Variants in SLC36A1 observed in about 807,000 individuals in gnomAD.
The protein encoded by SLC36A1 is solute carrier family 36 member 1.
Under a neutral mutation model 47.5 loss-of-function variants are expected in SLC36A1, and 30 were observed. The ratio of observed to expected loss-of-function variants is 0.63; its 90% CI spans 0.47 to 0.86. The LOEUF is 0.86. Ranked by LOEUF, SLC36A1 falls within the 40% of genes least tolerant of loss-of-function variation. The pLI is 0.00. For synonymous variants in SLC36A1, 255 were observed against 249.7 expected (o/e 1.02, Z -0.20); for missense variants, 517 against 606.0 (o/e 0.85, Z 1.54).
chr5:151,505,208 T>C, the SLC36A1 span: 1 of 355,830 alleles, frequency 2.8e-6, no homozygotes, highest in East Asian at 7.1e-5. Flanking sequence ...TTGGTGAAGT[T>C]GAGCCAGCAC....
At chr5:151,365,121 G>A in the SLC36A1 span, among the ~76,000 whole-genome samples, 3 of 152,142 alleles carry the variant, frequency 2.0e-5, no homozygotes, top group African/African-American at 7.2e-5. Context: ...TGGAGAAAGG[G>A]TGGTTGCCCA....
the SLC36A1 span, among the ~76,000 whole-genome samples, chr5:151,525,126 A>G: frequency 6.6e-6 from 1 of 152,188 alleles, no homozygotes; most frequent in African/African-American, 2.4e-5. Flanking sequence ...GGACTGACTG[A>G]CTGAAAGAAT....
chr5:151,390,023 C>T, the SLC36A1 span, among the ~76,000 whole-genome samples: 1 of 152,196 alleles, frequency 6.6e-6, no homozygotes, highest in East Asian at 1.9e-4. Context: ...TACAGTCCCA[C>T]CAACAGTGTA....
At chr5:151,523,328 CATAG>C in the SLC36A1 span, among the ~76,000 whole-genome samples, 110 of 152,228 alleles carry the variant, frequency 7.2e-4, no homozygotes, top group Non-Finnish European at 9.4e-4. Context: ...TAGTCATTAT[CATAG>C]ATAAACTATG....
the SLC36A1 span, among the ~76,000 whole-genome samples, chr5:151,372,706 C>G: frequency 3.5e-4 from 53 of 152,158 alleles, no homozygotes; most frequent in African/African-American, 1.2e-3. Flanking sequence ...CCTTGGCCTC[C>G]CAAAGTGCTG....
upstream of SLC36A1, among the ~76,000 whole-genome samples, chr5:151,434,236 A>G (rs994575600): frequency 6.6e-6 from 1 of 152,248 alleles, no homozygotes; most frequent in African/African-American, 2.4e-5. Flanking sequence ...GATACAAACG[A>G]AAAGTAGCTC....
the SLC36A1 span, among the ~76,000 whole-genome samples, chr5:151,513,458 T>G: frequency 6.6e-6 from 1 of 151,846 alleles, no homozygotes; most frequent in Admixed American, 6.6e-5. Flanking sequence ...ATGGATGGAG[T>G]TGGCGGCCAT....
At chr5:151,438,086 T>C (rs1224201358) in intron 1 of SLC36A1, among the ~76,000 whole-genome samples, 1 of 152,054 alleles carries the variant, frequency 6.6e-6, no homozygotes, top group Non-Finnish European at 1.5e-5. Flanking sequence ...ATCCTTAACT[T>C]CATCACATCA....
chr5:151,532,388 AACACACACACAC>A, the SLC36A1 span, among the ~76,000 whole-genome samples: 1,170 of 150,484 alleles, frequency 7.8e-3, 11 homozygotes, highest in African/African-American at 0.015. Context: ...TGCGTGTACA[AACACACACACAC>A]ACACACACAC....
At chr5:151,446,075 CTCTT>C (rs1429973354), upstream of SLC36A1, among the ~76,000 whole-genome samples, 2 of 151,990 alleles carry the variant, frequency 1.3e-5, no homozygotes, top group Admixed American at 1.3e-4. Context: ...TTTAATTGGT[CTCTT>C]TCTTCTCTTT....
chr5:151,512,985 C>T, the SLC36A1 span, among the ~76,000 whole-genome samples: 1 of 152,250 alleles, frequency 6.6e-6, no homozygotes, highest in African/African-American at 2.4e-5. The surrounding 1 kb of genome is among the most constrained non-coding windows in gnomAD (Gnocchi z 4.1). Flanking sequence ...CCCACTCCCA[C>T]TTCCTTATTC....
chr5:151,410,982 A>C, the SLC36A1 span, among the ~76,000 whole-genome samples: 1 of 144,660 alleles, frequency 6.9e-6, no homozygotes, highest in East Asian at 2.3e-4. Flanking sequence ...CCAATTAAGA[A>C]CCACTGGTCT....
chr5:151,473,467 C>G (rs1561768652), intron 7 of SLC36A1, among the ~76,000 whole-genome samples: 1 of 152,082 alleles, frequency 6.6e-6, no homozygotes, highest in Non-Finnish European at 1.5e-5. Context: ...TTGTCTTTCC[C>G]CCAAACAAGT....
the SLC36A1 span, among the ~76,000 whole-genome samples, chr5:151,551,961 T>C: frequency 1.3e-5 from 2 of 148,892 alleles, no homozygotes; most frequent in Non-Finnish European, 3.0e-5. Flanking sequence ...AACAATACTT[T>C]AATATAACCC....
At chr5:151,351,939 A>G in the SLC36A1 span, among the ~76,000 whole-genome samples, 7 of 152,058 alleles carry the variant, frequency 4.6e-5, no homozygotes, top group Non-Finnish European at 7.4e-5. Context: ...ACCACAACCC[A>G]CAAGGTCCTG....
intron 5 of SLC36A1, among the ~76,000 whole-genome samples, chr5:151,466,051 G>A (rs190002855): frequency 6.6e-6 from 1 of 151,934 alleles, no homozygotes; most frequent in Admixed American, 6.6e-5. Context: ...ATCCTGTGAT[G>A]CAGATTATAT....
chr5:151,421,959 AC>A, the SLC36A1 span, among the ~76,000 whole-genome samples: 1 of 152,156 alleles, frequency 6.6e-6, no homozygotes, highest in Non-Finnish European at 1.5e-5. Context: ...AAAAAAGGAC[AC>A]CACTTTTGTG....
the SLC36A1 span, chr5:151,380,798 C>A: frequency 1.9e-6 from 1 of 514,140 alleles, no homozygotes; most frequent in Non-Finnish European, 4.0e-6. Flanking sequence ...TCTGGGAAGA[C>A]AGGAAATGGT....
the SLC36A1 span, among the ~76,000 whole-genome samples, chr5:151,358,324 A>G: frequency 1.3e-5 from 2 of 151,520 alleles, no homozygotes; most frequent in African/African-American, 4.9e-5. Flanking sequence ...CCCAGGTTGT[A>G]GTGCATTGGT....
Sources: gnomAD v4.1 joint callset for allele counts (sites outside exome capture counted in the v4.1 genomes callset) on GRCh38, gnomAD v4.1.1 for gene constraint, Gnocchi (gnomAD v3.1) non-coding constraint, MANE v1.5 for transcripts, NCBI Gene and HGNC (gene_info 2026-07-23, HGNC 2026-07-21) for gene names.